The following UTRN variants were observed in gnomAD, a reference collection of about 807,000 sequenced individuals.
UTRN encodes the protein dystrophin-related protein 1.
In UTRN, 283 loss-of-function variants were observed where a neutral mutation model predicts 463.9. The ratio of observed to expected loss-of-function variants is 0.61; its 90% confidence interval spans 0.55 to 0.67. The LOEUF (loss-of-function observed/expected upper bound fraction) is 0.67, where lower values mean the gene tolerates loss of function less well. Among genes scored for constraint, UTRN ranks in the 30% least tolerant of loss-of-function variants. The pLI is 0.00. For synonymous variants in UTRN, 1,442 were observed against 1,431.5 expected, an observed-to-expected ratio of 1.01 and a Z score of -0.17; for missense variants, 3,922 against 4,084.3, an observed-to-expected ratio of 0.96 and a Z score of 1.08.
chr6:144,577,396 C>G (rs115649544), intron 51 of UTRN, 108 bp downstream of exon 51: 30 of 1,125,394 alleles, frequency 2.7e-5, no homozygotes, highest in Non-Finnish European at 3.5e-5. Context: ...ACTTTATTCT[C>G]TTATGAAATC....
rs562348196 is a variant in UTRN at position 144,651,423 on chromosome 6, A to G, written c.7480-26983A>G. Among the ~76,000 whole-genome samples the G allele has an allele frequency of 4.6e-5, 7 of 152,316 alleles. No individual in the cohort carries two copies. In the South Asian group the frequency reaches 1.5e-3, roughly 32 times the overall value. On this transcript the variant is annotated intron_variant, in intron 51 of 74. Transcript: ENST00000367545. ...ACACAGAAAAATCAAGGTTCAGACA[A>G]GAGTTCCAGGGTCAAGCAGCTAGAT...
intron 2 of UTRN, among the ~76,000 whole-genome samples, chr6:144,323,054 A>G (rs1775766622): frequency 6.6e-6 from 1 of 152,138 alleles, no homozygotes; most frequent in South Asian, 2.1e-4. Flanking sequence ...CAGGATACAC[A>G]TAGGGAAATG....
At chr6:144,823,196 A>G (rs190762075) in intron 66 of UTRN, among the ~76,000 whole-genome samples, 213 of 152,200 alleles carry the variant, frequency 1.4e-3, no homozygotes, top group African/African-American at 5.0e-3. Context: ...CAAGAGAAAA[A>G]AAGGAAGAAG....
intron 53 of UTRN, among the ~76,000 whole-genome samples, chr6:144,717,544 A>G (rs2128706839): frequency 6.6e-6 from 1 of 152,268 alleles, no homozygotes; most frequent in African/African-American, 2.4e-5. Flanking sequence ...TGAGTCTTGC[A>G]ACACAGTTTT....
Position 144,551,042 on chromosome 6 carries a change from A to G in UTRN, c.6888A>G (p.Lys2296=). ...CATTGGCACAGAATTTGAAAAATAA[A>G]GCTTCCAGTTCAGATATGAGAACAG... ...VFTLAQNLKN[K]ASSSDMRTAI... is the part of the protein sequence containing the mutation. The change falls in exon 48 of 75, where the codon AAA becomes AAG. Residue 2296 remains lysine (K), a synonymous_variant. Transcript: ENST00000367545. 6.2e-7 allele frequency: 1 copy of G among 1,612,292 alleles called. No individual in the cohort carries two copies. The highest frequency in any genetic ancestry group is 1.1e-5 in the South Asian group (1 of 90,526).
chr6:144,408,915 A>G (rs185629188), intron 3 of UTRN, among the ~76,000 whole-genome samples: 243 of 152,336 alleles, frequency 1.6e-3, no homozygotes, highest in Non-Finnish European at 2.4e-3. Context: ...TTCCTGTGTG[A>G]AGATAAATCC....
At chr6:144,570,110 T>C (rs539366733) in intron 50 of UTRN, among the ~76,000 whole-genome samples, 1 of 152,238 alleles carries the variant, frequency 6.6e-6, no homozygotes, top group East Asian at 1.9e-4. Context: ...GAAACACCAA[T>C]AGCCATGGTA....
At chr6:144,436,689 A>G (rs1364951321) in intron 10 of UTRN, among the ~76,000 whole-genome samples, 1 of 149,848 alleles carries the variant, frequency 6.7e-6, no homozygotes, top group Non-Finnish European at 1.5e-5. Flanking sequence ...TGTTTTGGAT[A>G]GAAAATAATA....
chr6:144,514,816 C>A lies in UTRN; in HGVS notation c.5240C>A (p.Ala1747Asp). 6.2e-7 allele frequency: 1 copy of A among 1,611,884 alleles called. No homozygotes were observed. The highest frequency in any genetic ancestry group is 1.7e-4 in the Middle Eastern group (1 of 6,036). Residue 1747 changes from alanine (A) to aspartate (D), a missense_variant, in exon 37 of 75, where the codon GCC (alanine) becomes GAC (aspartate). By Grantham distance (126) the Ala-to-Asp change is moderately radical (BLOSUM62 -2). Coordinates refer to ENST00000367545, the MANE Select transcript of UTRN (RefSeq NM_007124.3). ...FEKVSQHIKS[A>D]KLLIAQEPLY... Reference sequence around the variant, plus strand: ...AAGGTGTCTCAACATATCAAAAGTGCCAAAGTGAGTAATTATGCTTTTAGA... The same window carrying A: ...AAGGTGTCTCAACATATCAAAAGTGACAAAGTGAGTAATTATGCTTTTAGA...
chr6:144,812,662 T>G (rs1310015580), intron 65 of UTRN, among the ~76,000 whole-genome samples: 2 of 152,202 alleles, frequency 1.3e-5, no homozygotes, highest in African/African-American at 4.8e-5. Context: ...GGAAGAAAAT[T>G]GAAAATTTCC....
intron 38 of UTRN, 49 bp from the exon 39 acceptor site, chr6:144,516,762 T>A: frequency 7.3e-7 from 1 of 1,372,688 alleles, no homozygotes; most frequent in Non-Finnish European, 9.5e-7. Flanking sequence ...GGAAGTGACC[T>A]TATGCATTTT....
intron 63 of UTRN, among the ~76,000 whole-genome samples, chr6:144,794,543 G>T (rs566486026): frequency 3.6e-4 from 55 of 152,220 alleles, no homozygotes; most frequent in African/African-American, 1.3e-3. Flanking sequence ...CATACTCAGT[G>T]CAATTATAAT....
At chr6:144,799,352 C>T in intron 64 of UTRN, 2 of 443,430 alleles carry the variant, frequency 4.5e-6, no homozygotes, top group South Asian at 3.4e-5. Context: ...GCTATGCATT[C>T]TAAGAGGAGG....
intron 54 of UTRN, among the ~76,000 whole-genome samples, chr6:144,732,263 CATATATATATATATACACACAT>C (rs1788720019): frequency 1.0e-5 from 1 of 98,042 alleles, no homozygotes; most frequent in Non-Finnish European, 2.0e-5. Flanking sequence ...TATATACACA[CATATATATATATATACACACAT>C]ATATATATAT....
intron 58 of UTRN, among the ~76,000 whole-genome samples, chr6:144,766,331 T>A (rs745918841): frequency 6.6e-6 from 1 of 151,888 alleles, no homozygotes; most frequent in African/African-American, 2.4e-5. Context: ...CCAACATTTG[T>A]TTTCACTCTT....
At chr6:144,723,826 A>T (rs1787491148) in intron 53 of UTRN, among the ~76,000 whole-genome samples, 1 of 151,624 alleles carries the variant, frequency 6.6e-6, no homozygotes, top group East Asian at 2.0e-4. Context: ...ACATGGTGAA[A>T]CCCTGTTTCT....
At chr6:144,800,893 C>T (rs1440631464) in intron 64 of UTRN, among the ~76,000 whole-genome samples, 7 of 152,050 alleles carry the variant, frequency 4.6e-5, no homozygotes, top group African/African-American at 1.2e-4. Flanking sequence ...CAGGATTCTT[C>T]AGAGAAATAA....
At chr6:144,325,249 T>C (rs1238169774) in intron 2 of UTRN, among the ~76,000 whole-genome samples, 2 of 152,202 alleles carry the variant, frequency 1.3e-5, no homozygotes, top group African/African-American at 2.4e-5. Flanking sequence ...GGCCTAAAAA[T>C]AGGTGATTAG....
intron 58 of UTRN, among the ~76,000 whole-genome samples, chr6:144,760,792 T>C (rs2128727569): frequency 6.6e-6 from 1 of 152,276 alleles, no homozygotes; most frequent in East Asian, 1.9e-4. Flanking sequence ...CTGGAGCAAA[T>C]TAGAATGTAT....
Sources: allele counts gnomAD v4.1 joint callset (sites outside exome capture counted in the v4.1 genomes callset), GRCh38; gene constraint gnomAD v4.1.1; transcripts MANE v1.5; gene names NCBI Gene and HGNC (gene_info 2026-07-23, HGNC 2026-07-21).